CACHD1: variants seen among roughly 807,000 people sequenced by gnomAD.
CACHD1 encodes the protein VWFA and cache domain-containing protein 1.
Under a neutral mutation model 138.7 loss-of-function variants are expected in CACHD1, and 71 were observed. The ratio of observed to expected loss-of-function variants is 0.51; its 90% confidence interval spans 0.42 to 0.62. CACHD1 has a LOEUF of 0.62. Among genes scored for constraint, CACHD1 ranks in the 20% least tolerant of loss-of-function variants. CACHD1 has a pLI of 0.00. For missense variants in CACHD1, 1,389 were observed against 1,625.3 expected, an observed-to-expected ratio of 0.85 and a Z score of 2.50; for synonymous variants, 578 against 591.5, an observed-to-expected ratio of 0.98 and a Z score of 0.33.
At chr1:64,630,681 T>C (rs1219130151) in intron 5 of CACHD1, among the ~76,000 whole-genome samples, 7 of 152,170 alleles carry the variant, frequency 4.6e-5, no homozygotes, top group Admixed American at 4.6e-4. Context: ...CCAGAAGCCA[T>C]GATCATGGCT....
chr1:64,582,937 A>G (rs1488291799), intron 3 of CACHD1, among the ~76,000 whole-genome samples: 1 of 152,176 alleles, frequency 6.6e-6, no homozygotes, highest in Non-Finnish European at 1.5e-5. Context: ...GTCCTTCATC[A>G]AGTTACTTAA....
intron 1 of CACHD1, among the ~76,000 whole-genome samples, chr1:64,545,819 T>A (rs1646714045): frequency 6.6e-6 from 1 of 152,114 alleles, no homozygotes; most frequent in African/African-American, 2.4e-5. Context: ...GAGAGAAAGG[T>A]CAGTTTTGTC....
rs367680432 is a variant in CACHD1, at chr1:64,470,196, G to T, written c.-549G>T. Among the ~76,000 whole-genome samples, 27 of 152,140 alleles carry T rather than the reference G, an allele frequency of 1.8e-4. No individual in the cohort carries two copies. In the East Asian group the frequency reaches 4.3e-3, roughly 24 times the overall value. ...AGACGCCTCCCTTTCCCCACCGCTT[G>T]CTTTCTTTCTTTCAGTTGTGTGGGT... is the stretch of plus-strand genomic sequence containing the variant. On this transcript the variant is annotated 5_prime_UTR_variant, in exon 1 of 27. Coordinates refer to ENST00000651257, the MANE Select transcript of CACHD1 (RefSeq NM_020925.4). This position sits in a 1 kb window ranked among gnomAD's most constrained non-coding sequence, Gnocchi z 5.2.
chr1:64,484,680 ATC>A (rs933445438), intron 1 of CACHD1, among the ~76,000 whole-genome samples: 11 of 152,210 alleles, frequency 7.2e-5, no homozygotes, highest in African/African-American at 2.2e-4. Flanking sequence ...TCTACTTTCT[ATC>A]TCTCTGAATT....
At chr1:64,625,827 AT>A (rs1648082372) in intron 4 of CACHD1, among the ~76,000 whole-genome samples, 2 of 152,286 alleles carry the variant, frequency 1.3e-5, no homozygotes, top group Admixed American at 1.3e-4. Flanking sequence ...CTCTATTCTG[AT>A]TTAAACACCT....
At chr1:64,678,930 T>C (rs1023589946) in intron 23 of CACHD1, among the ~76,000 whole-genome samples, 4 of 152,182 alleles carry the variant, frequency 2.6e-5, no homozygotes, top group Non-Finnish European at 5.9e-5. Flanking sequence ...AATTCTTAGA[T>C]GGCAGTAGAG....
chr1:64,654,049 T>C (rs1234439286), intron 11 of CACHD1, among the ~76,000 whole-genome samples, 168 bp downstream of exon 11: 1 of 152,230 alleles, frequency 6.6e-6, no homozygotes, highest in South Asian at 2.1e-4. Context: ...AAGATTTTGC[T>C]TACTTTGTAT....
chr1:64,531,686 A>G (rs1228690515), intron 1 of CACHD1, among the ~76,000 whole-genome samples: 1 of 152,032 alleles, frequency 6.6e-6, no homozygotes, highest in African/African-American at 2.4e-5. Context: ...TTCTCAGCTT[A>G]TTAACTTGCA....
intron 2 of CACHD1, among the ~76,000 whole-genome samples, chr1:64,568,556 T>C (rs1219792545): frequency 6.6e-6 from 1 of 152,214 alleles, no homozygotes; most frequent in African/African-American, 2.4e-5. Flanking sequence ...ATTTGGGATT[T>C]GGAGCCATCT....
At chr1:64,491,529 A>G (rs1270875914) in intron 1 of CACHD1, among the ~76,000 whole-genome samples, 1 of 152,140 alleles carries the variant, frequency 6.6e-6, no homozygotes, top group Non-Finnish European at 1.5e-5. Flanking sequence ...TGAGAACTCA[A>G]GAACTCACTA....
intron 23 of CACHD1, 65 bp downstream of exon 23, chr1:64,678,375 G>A: frequency 3.5e-6 from 5 of 1,430,336 alleles, no homozygotes; most frequent in Non-Finnish European, 4.6e-6. Context: ...TATATGCTAG[G>A]ACATCTTAAA....
chr1:64,644,007 C>CTA (rs1648823010), intron 8 of CACHD1, among the ~76,000 whole-genome samples: 1 of 152,242 alleles, frequency 6.6e-6, no homozygotes, highest in Admixed American at 6.5e-5. Flanking sequence ...TCCCATTATA[C>CTA]TATAGTAAGG....
At chr1:64,552,006 G>A (rs893884072) in intron 2 of CACHD1, among the ~76,000 whole-genome samples, 3 of 152,102 alleles carry the variant, frequency 2.0e-5, no homozygotes, top group South Asian at 2.1e-4. Flanking sequence ...ATTTCTGAAC[G>A]AAGCATGTTC....
chr1:64,653,387 A>T (rs1034923208), intron 10 of CACHD1, among the ~76,000 whole-genome samples: 13 of 79,148 alleles, frequency 1.6e-4, no homozygotes, highest in Admixed American at 1.3e-3. Flanking sequence ...AAAAGAAGTT[A>T]AAAAAAAAAA....
chr1:64,532,464 CAG>C (rs1278666039), intron 1 of CACHD1, among the ~76,000 whole-genome samples: 2 of 152,112 alleles, frequency 1.3e-5, no homozygotes, highest in Non-Finnish European at 2.9e-5. Context: ...GGCATTTGAG[CAG>C]AGGCCTGGAG....
chr1:64,531,805 TTTG>T (rs1375630381), intron 1 of CACHD1, among the ~76,000 whole-genome samples: 1 of 152,194 alleles, frequency 6.6e-6, no homozygotes, highest in African/African-American at 2.4e-5. Flanking sequence ...GATACTGCTC[TTTG>T]TGGTGGGAAA....
chr1:64,595,382 A>C lies in CACHD1; in HGVS notation c.411-7424A>C, dbSNP rs577069622. On this transcript the variant is annotated intron_variant, in intron 3 of 26. Coordinates refer to ENST00000651257, the MANE Select transcript of CACHD1 (RefSeq NM_020925.4). ...TAGGCCCTGGGTATAAAGAAACATA[A>C]GAAAAGACCTCTCCCTTTGTGTCTA... Among the ~76,000 whole-genome samples, 19 of 152,310 alleles carry C rather than the reference A, an allele frequency of 1.2e-4. No homozygotes were observed. In the South Asian group the frequency reaches 3.5e-3, roughly 28 times the overall value.
chr1:64,641,825 G>A lies in CACHD1; in HGVS notation c.1012G>A (p.Asp338Asn). The change falls in exon 8 of 27, where the codon GAC becomes AAC. Residue 338 changes from aspartate (D) to asparagine (N), a missense_variant. Coordinates refer to ENST00000651257, the MANE Select transcript of CACHD1 (RefSeq NM_020925.4). ...ATTGATGTGTTTTTGTTTAGATACAGACATGGTCATCATTTACCTGTCAGC... is the reference window on the plus strand; with the variant it reads ...ATTGATGTGTTTTTGTTTAGATACAAACATGGTCATCATTTACCTGTCAGC... ...NNNTKFQANTDMVIIYLSAGI... is the reference protein window; with the variant it reads ...NNNTKFQANTNMVIIYLSAGI... The A allele has an allele frequency of 2.6e-6, 4 of 1,536,164 alleles. No homozygotes were observed. Among genetic ancestry groups the A allele is most frequent in the Non-Finnish European group, 2.6e-6 (3 of 1,144,910 alleles).
chr1:64,473,067 G>A (rs1646154861), intron 1 of CACHD1, among the ~76,000 whole-genome samples: 1 of 152,076 alleles, frequency 6.6e-6, no homozygotes, highest in Admixed American at 6.6e-5. Flanking sequence ...ATCGGTGGGG[G>A]GTTTGTGCCC....
Sources: gnomAD v4.1 joint callset for allele counts (sites outside exome capture counted in the v4.1 genomes callset) on GRCh38, gnomAD v4.1.1 for gene constraint, Gnocchi (gnomAD v3.1) non-coding constraint, MANE v1.5 for transcripts, NCBI Gene and HGNC (gene_info 2026-07-23, HGNC 2026-07-21) for gene names.